Variants in SEPTIN9 observed in about 807,000 individuals in gnomAD.
SEPTIN9 encodes septin-9.
SEPTIN9 carries 13 observed loss-of-function variants against 56.6 expected under a neutral mutation model. The ratio of observed to expected loss-of-function variants is 0.23; its 90% CI spans 0.15 to 0.37. SEPTIN9 has a LOEUF of 0.37. SEPTIN9 is among the 10% of genes least tolerant of loss of function. The pLI, the probability that SEPTIN9 is intolerant of heterozygous loss-of-function variation, is 1.00. For missense variants in SEPTIN9, 650 were observed against 823.1 expected, an observed-to-expected ratio of 0.79 and a Z score of 2.57; for synonymous variants, 332 against 334.1, an observed-to-expected ratio of 0.99 and a Z score of 0.07.
At chr17:77,383,663 G>T (rs759429350) in intron 2 of SEPTIN9, among the ~76,000 whole-genome samples, 2 of 152,240 alleles carry the variant, frequency 1.3e-5, no homozygotes, top group Non-Finnish European at 2.9e-5. Context: ...GAATAACAGT[G>T]CTACCTGGCT....
At chr17:77,315,984 C>T (rs981600275) in intron 2 of SEPTIN9, among the ~76,000 whole-genome samples, 1 of 152,192 alleles carries the variant, frequency 6.6e-6, no homozygotes, top group East Asian at 1.9e-4. Context: ...AAGCCGTGGG[C>T]CTGAGGGCCC....
chr17:77,385,279 C>T (rs978194724), intron 2 of SEPTIN9, among the ~76,000 whole-genome samples: 1 of 151,638 alleles, frequency 6.6e-6, no homozygotes, highest in Admixed American at 6.6e-5. Context: ...TCTCATGCCT[C>T]AGCCTCCTGA....
At chr17:77,431,771 A>G (rs1467035089) in intron 3 of SEPTIN9, among the ~76,000 whole-genome samples, 1 of 149,748 alleles carries the variant, frequency 6.7e-6, no homozygotes, top group Non-Finnish European at 1.5e-5. Context: ...TAGAGGTTGC[A>G]GTGAGCCAAG....
intron 2 of SEPTIN9, among the ~76,000 whole-genome samples, chr17:77,320,518 G>A (rs1443534342): frequency 6.6e-6 from 1 of 152,334 alleles, no homozygotes; most frequent in South Asian, 2.1e-4. Context: ...CGTCTCAGAA[G>A]CTAAGCTCTC....
chr17:77,489,876 A>G (rs1173901848), intron 7 of SEPTIN9, among the ~76,000 whole-genome samples: 2 of 152,150 alleles, frequency 1.3e-5, no homozygotes, highest in Non-Finnish European at 2.9e-5. Flanking sequence ...AGAACGGCTC[A>G]CCTGCGGTCC....
chr17:77,404,286 C>T (rs2035993823), intron 3 of SEPTIN9, among the ~76,000 whole-genome samples: 1 of 152,164 alleles, frequency 6.6e-6, no homozygotes, highest in Non-Finnish European at 1.5e-5. Flanking sequence ...GCTCTGTCCT[C>T]CAGGCTGGCG....
chr17:77,440,414 CA>C (rs2037504063), intron 3 of SEPTIN9, among the ~76,000 whole-genome samples: 1 of 152,216 alleles, frequency 6.6e-6, no homozygotes, highest in Admixed American at 6.5e-5. Flanking sequence ...CTTCGCCTCC[CA>C]AAGTGTTGGG....
intron 3 of SEPTIN9, among the ~76,000 whole-genome samples, chr17:77,424,047 G>A (rs1341022514): frequency 3.9e-5 from 6 of 152,358 alleles, no homozygotes; most frequent in Admixed American, 3.3e-4. Context: ...TAGGGACAAC[G>A]CAAGGAGGCT....
chr17:77,347,349 G>A (rs1180489343), intron 2 of SEPTIN9, among the ~76,000 whole-genome samples: 1 of 150,104 alleles, frequency 6.7e-6, no homozygotes, highest in Non-Finnish European at 1.5e-5. Context: ...TTGTACTCCA[G>A]CCTGGGCAAC....
chr17:77,482,840 G>A lies in SEPTIN9; in HGVS notation c.913+505G>A, dbSNP rs1017887439. On this transcript the variant is annotated intron_variant, in intron 4 of 11. Coordinates refer to ENST00000427177, the MANE Select transcript of SEPTIN9 (RefSeq NM_001113491.2). ...CTGGAGGTCACCACGGGAGGTCGTC[G>A]ATCAGCACGACCTGGGCAGGGTGAG... 34 of 465,886 alleles carry A rather than the reference G, an allele frequency of 7.3e-5. No individual in the cohort carries two copies. The Middle Eastern group carries it at 4.0e-3, about 55-fold the overall frequency. The allele number at this position is 465,886 out of a possible 1,614,324, so 28.9% of individuals were successfully genotyped here.
chr17:77,298,926 G>A (rs747007339), intron 1 of SEPTIN9, among the ~76,000 whole-genome samples: 4 of 152,286 alleles, frequency 2.6e-5, no homozygotes, highest in Non-Finnish European at 4.4e-5. Flanking sequence ...TGATTCTCTC[G>A]CCTCAGCCTC....
At chr17:77,345,012 T>G (rs2033847768) in intron 2 of SEPTIN9, among the ~76,000 whole-genome samples, 1 of 143,708 alleles carries the variant, frequency 7.0e-6, no homozygotes, top group African/African-American at 2.6e-5. Flanking sequence ...TTCTGACACA[T>G]GCTATAGCAT....
rs184224232 is a variant in SEPTIN9, at chr17:77,284,120, C to T, written c.19+2566C>T. ...ACTCAGGAGGCTGAGACACGAGGATCGCTTGAGCCCAGGAGGCTACTCAGG... is the reference window on the plus strand; with the variant it reads ...ACTCAGGAGGCTGAGACACGAGGATTGCTTGAGCCCAGGAGGCTACTCAGG... On this transcript the variant is annotated intron_variant, in intron 1 of 11. Coordinates refer to ENST00000427177, the MANE Select transcript of SEPTIN9 (RefSeq NM_001113491.2). Among the ~76,000 whole-genome samples, 308 of 152,024 alleles carry T rather than the reference C, an allele frequency of 2.0e-3. 2 individuals carry two copies. Among genetic ancestry groups the T allele is most frequent in the Middle Eastern group, 0.014 (4 of 294 alleles).
intron 3 of SEPTIN9, among the ~76,000 whole-genome samples, chr17:77,455,878 T>G (rs2038178326): frequency 6.6e-6 from 1 of 152,194 alleles, no homozygotes; most frequent in Non-Finnish European, 1.5e-5. Flanking sequence ...ATCTCCATTC[T>G]CCCTGCACGC....
At chr17:77,284,435 G>A (rs918182081) in intron 1 of SEPTIN9, among the ~76,000 whole-genome samples, 3 of 152,228 alleles carry the variant, frequency 2.0e-5, no homozygotes, top group Non-Finnish European at 2.9e-5. Flanking sequence ...TGCCTCACCC[G>A]GCCTTCCAAT....
intron 4 of SEPTIN9, among the ~76,000 whole-genome samples, chr17:77,486,511 TGTGTGTGTGTGCGCGCAC>T (rs1297808887): frequency 1.0e-5 from 1 of 97,208 alleles, no homozygotes; most frequent in African/African-American, 6.3e-5. Flanking sequence ...TGTGTGTGTG[TGTGTGTGTGTGCGCGCAC>T]GCGCGCGCGT....
chr17:77,493,939 AT>A (rs1258998503), intron 10 of SEPTIN9, among the ~76,000 whole-genome samples: 5 of 151,746 alleles, frequency 3.3e-5, no homozygotes, highest in African/African-American at 1.2e-4. Flanking sequence ...ACCTGACTTA[AT>A]TTTTGTATTT....
chr17:77,372,049 C>T (rs1271526167), intron 2 of SEPTIN9, among the ~76,000 whole-genome samples: 1 of 152,136 alleles, frequency 6.6e-6, no homozygotes, highest in Non-Finnish European at 1.5e-5. Flanking sequence ...ACCTCAGACC[C>T]AGGATGAGCT....
intron 2 of SEPTIN9, among the ~76,000 whole-genome samples, chr17:77,401,138 T>C (rs2035883026): frequency 6.6e-6 from 1 of 152,186 alleles, no homozygotes; most frequent in South Asian, 2.1e-4. Flanking sequence ...AGTCTGGCTC[T>C]GTGTCTACCC....
Sources: allele counts gnomAD v4.1 joint callset (sites outside exome capture counted in the v4.1 genomes callset), GRCh38; gene constraint gnomAD v4.1.1; transcripts MANE v1.5; gene names NCBI Gene and HGNC (gene_info 2026-07-23, HGNC 2026-07-21).